Variants in RBKS observed in about 807,000 individuals in gnomAD.
RBKS encodes the protein ribokinase.
In RBKS, 33 loss-of-function variants were observed where a neutral mutation model predicts 33.9. The ratio of observed to expected loss-of-function variants is 0.97; its 90% CI spans 0.74 to 1.30. RBKS has a LOEUF of 1.30. Ranked by LOEUF, RBKS falls within the 50% of genes most tolerant of loss-of-function variation. The probability of loss-of-function intolerance (pLI) is 0.00; values close to 1 mark genes in which losing one functional copy is unlikely to be tolerated. For missense variants in RBKS, 361 were observed against 392.6 expected, an observed-to-expected ratio of 0.92 and a Z score of 0.68; for synonymous variants, 125 against 143.0, an observed-to-expected ratio of 0.87 and a Z score of 0.90.
At chr2:27,823,442 A>C in intron 7 of RBKS, among the ~76,000 whole-genome samples, 1 of 152,166 alleles carries the variant, frequency 6.6e-6, no homozygotes, top group Non-Finnish European at 1.5e-5. Context: ...CACCCATGTC[A>C]TCCCTGACTT....
chr2:27,878,223 T>G (rs907230491), intron 1 of RBKS, among the ~76,000 whole-genome samples: 3 of 146,226 alleles, frequency 2.1e-5, no homozygotes, highest in Non-Finnish European at 4.5e-5. Flanking sequence ...GATGTTCCCC[T>G]TCCTGTGTCC....
rs569084829 is a variant in RBKS at position 27,820,663 on chromosome 2, C to T, written c.795+6904G>A. Among the ~76,000 whole-genome samples, 183 of 152,138 alleles carry T rather than the reference C, an allele frequency of 1.2e-3. 1 individual carries two copies. The highest frequency in any genetic ancestry group is 4.2e-3 in the African/African-American group (174 of 41,512). ...TGGGCCTCAAGCAATCCTCCTGCCT[C>T]GGCCTCCCAAAGTGCTTGGATTACA... On this transcript the variant is annotated intron_variant, in intron 7 of 7. Transcript: ENST00000302188.
At chr2:27,852,687 C>T (rs1317766349) in intron 2 of RBKS, among the ~76,000 whole-genome samples, 1 of 152,204 alleles carries the variant, frequency 6.6e-6, no homozygotes, top group African/African-American at 2.4e-5. Flanking sequence ...GATATCAAAA[C>T]ATCCTACCCA....
At chr2:27,813,392 A>C (rs1678028400) in intron 7 of RBKS, among the ~76,000 whole-genome samples, 1 of 152,212 alleles carries the variant, frequency 6.6e-6, no homozygotes, top group East Asian at 1.9e-4. Flanking sequence ...AAGAAATTTT[A>C]AAATAAGAAT....
chr2:27,847,976 T>C (rs1252844642), intron 3 of RBKS, 58 bp downstream of exon 3: 1 of 1,003,080 alleles, frequency 1.0e-6, no homozygotes, highest in African/African-American at 1.6e-5. Flanking sequence ...ATTTTTCTCA[T>C]AACAAAATCA....
chr2:27,819,748 T>A (rs1037900956), intron 7 of RBKS, among the ~76,000 whole-genome samples: 5 of 152,250 alleles, frequency 3.3e-5, no homozygotes, highest in African/African-American at 4.8e-5. Flanking sequence ...GAGGAAAATT[T>A]GTCTGAAGAT....
intron 2 of RBKS, 141 bp from the exon 3 acceptor site, chr2:27,848,238 A>G: frequency 1.8e-6 from 1 of 550,620 alleles, no homozygotes; most frequent in Non-Finnish European, 3.2e-6. Flanking sequence ...TCTTAATATA[A>G]GATGCTAGAC....
chr2:27,872,829 T>C (rs1664242247), intron 1 of RBKS, among the ~76,000 whole-genome samples: 1 of 152,130 alleles, frequency 6.6e-6, no homozygotes, highest in Non-Finnish European at 1.5e-5. Context: ...ACACCACAGC[T>C]GAACACCCAT....
At chr2:27,863,925 T>G (rs763253540) in intron 1 of RBKS, among the ~76,000 whole-genome samples, 4 of 152,258 alleles carry the variant, frequency 2.6e-5, no homozygotes, top group Non-Finnish European at 5.9e-5. Context: ...ATTCATTCTA[T>G]GTTCCCTAAC....
At chr2:27,879,046 T>C (rs1664370359) in intron 1 of RBKS, among the ~76,000 whole-genome samples, 1 of 152,236 alleles carries the variant, frequency 6.6e-6, no homozygotes, top group Admixed American at 6.5e-5. Context: ...AAGCCATATG[T>C]GCCTCAGCAC....
intron 7 of RBKS, among the ~76,000 whole-genome samples, chr2:27,824,557 A>G (rs1342165727): frequency 6.6e-6 from 1 of 152,240 alleles, no homozygotes; most frequent in Non-Finnish European, 1.5e-5. Context: ...ATGTATCAGT[A>G]TTCTTTTTAA....
chr2:27,797,969 C>T (rs1677693342), intron 7 of RBKS, among the ~76,000 whole-genome samples: 2 of 152,044 alleles, frequency 1.3e-5, no homozygotes, highest in Non-Finnish European at 2.9e-5. Flanking sequence ...CAAGGAGGTA[C>T]TAGCAATGTC....
chr2:27,789,949 G>GTATATATATATATA (rs35109548), intron 7 of RBKS, among the ~76,000 whole-genome samples: 154 of 121,494 alleles, frequency 1.3e-3, no homozygotes, highest in Non-Finnish European at 1.8e-3. Context: ...ATGTATATGT[G>GTATATATATATATA]TATATATATA....
At chr2:27,843,292 C>A in intron 4 of RBKS, 61 bp from the exon 5 acceptor site, 1 of 1,304,040 alleles carries the variant, frequency 7.7e-7, no homozygotes, top group Non-Finnish European at 1.1e-6. Flanking sequence ...TGATATTCTG[C>A]AGTGTTATGA....
In RBKS at chr2:27,889,289, T is replaced by G. The variant is rs761959023; in HGVS notation, c.89+968A>C. Among the ~76,000 whole-genome samples the G allele has an allele frequency of 1.4e-4, 22 of 152,216 alleles. 1 individual carries two copies. The highest frequency in any genetic ancestry group is 2.8e-4 in the Non-Finnish European group (19 of 68,034). ...CTTATTTTGATTGTCCCAAAGCCTT[T>G]TTGTTTAGTTCCACGTTCTCTATTA... On this transcript the variant is annotated intron_variant, in intron 1 of 7. Coordinates refer to ENST00000302188, the MANE Select transcript of RBKS (RefSeq NM_022128.3).
intron 1 of RBKS, among the ~76,000 whole-genome samples, chr2:27,883,854 C>T (rs1166475580): frequency 1.3e-5 from 2 of 152,006 alleles, no homozygotes; most frequent in East Asian, 1.9e-4. Context: ...AGCCACTGCA[C>T]CCAGCCATAA....
At chr2:27,812,126 C>T (rs1378564547) in intron 7 of RBKS, among the ~76,000 whole-genome samples, 1 of 152,112 alleles carries the variant, frequency 6.6e-6, no homozygotes, top group Non-Finnish European at 1.5e-5. Context: ...GGAAAAAATG[C>T]TCATCATCAC....
intron 7 of RBKS, chr2:27,809,681 A>G (rs1424703156): frequency 3.2e-6 from 1 of 314,580 alleles, no homozygotes; most frequent in Non-Finnish European, 6.2e-6. Context: ...AAGACTCGCT[A>G]AAATATTTTC....
chr2:27,890,202 G>C lies in RBKS; in HGVS notation c.89+55C>G, dbSNP rs1664699901. 1 of 1,548,610 alleles carries C rather than the reference G, an allele frequency of 6.5e-7. No individual in the cohort carries two copies. The highest frequency in any genetic ancestry group is 1.7e-5 in the Admixed American group (1 of 59,114). The stretch of plus-strand genomic sequence containing the variant: ...CCAAAAGCTCCACTGGGCGCATAGC[G>C]CACGGCACGCCTCCTCCCCCGAGCC... On this transcript the variant is annotated intron_variant, in intron 1 of 7. Transcript: ENST00000302188. The surrounding 1 kb of genome is among the most constrained non-coding windows in gnomAD (Gnocchi z 4.8).
Sources: gnomAD v4.1 joint callset for allele counts (sites outside exome capture counted in the v4.1 genomes callset) on GRCh38, gnomAD v4.1.1 for gene constraint, Gnocchi (gnomAD v3.1) non-coding constraint, MANE v1.5 for transcripts, NCBI Gene and HGNC (gene_info 2026-07-23, HGNC 2026-07-21) for gene names.